Variants in AUTS2 observed in about 807,000 individuals in gnomAD.
The protein encoded by AUTS2 is autism susceptibility gene 2 protein.
Under a neutral mutation model 112.4 loss-of-function variants are expected in AUTS2, and 17 were observed. The observed-to-expected ratio is 0.15, with a 90% confidence interval of 0.10 to 0.23. AUTS2 has a LOEUF of 0.23. Among genes scored for constraint, AUTS2 ranks in the 10% least tolerant of loss-of-function variants. The pLI is 1.00. For missense variants in AUTS2, 1,510 were observed against 1,701.6 expected (o/e 0.89, Z 1.98); for synonymous variants, 751 against 702.7 (o/e 1.07, Z -1.09).
At chr7:69,954,984 A>G (rs915519779) in intron 2 of AUTS2, among the ~76,000 whole-genome samples, 1 of 152,192 alleles carries the variant, frequency 6.6e-6, no homozygotes, top group Non-Finnish European at 1.5e-5. Context: ...TTCTACATAA[A>G]TCAACTTGCA....
At chr7:69,807,367 A>G (rs751316956) in intron 1 of AUTS2, among the ~76,000 whole-genome samples, 6 of 152,332 alleles carry the variant, frequency 3.9e-5, no homozygotes, top group South Asian at 2.1e-4. Context: ...AAAACTTACC[A>G]TCTTAAAACA....
intron 2 of AUTS2, among the ~76,000 whole-genome samples, chr7:69,931,847 A>C (rs901295643): frequency 1.3e-5 from 2 of 152,240 alleles, no homozygotes; most frequent in Non-Finnish European, 2.9e-5. Flanking sequence ...CTTGTCAGGC[A>C]GCCTGCTAAT....
intron 1 of AUTS2, among the ~76,000 whole-genome samples, chr7:69,814,749 A>G (rs977402252): frequency 1.3e-5 from 2 of 152,242 alleles, no homozygotes; most frequent in South Asian, 4.1e-4. Flanking sequence ...GCCCAGCGGT[A>G]TGGGCGAATG....
intron 1 of AUTS2, among the ~76,000 whole-genome samples, chr7:69,773,857 C>T (rs1270382065): frequency 6.6e-6 from 1 of 152,254 alleles, no homozygotes; most frequent in Non-Finnish European, 1.5e-5. Flanking sequence ...GCTCTCCTCC[C>T]TGGTGGCAGT....
chr7:70,081,280 G>A (rs185199347), intron 2 of AUTS2, among the ~76,000 whole-genome samples: 2 of 151,864 alleles, frequency 1.3e-5, no homozygotes, highest in East Asian at 1.9e-4. Context: ...AGCTGGACGC[G>A]CTGGTCATGC....
intron 6 of AUTS2, 44 bp from the exon 7 acceptor site, chr7:70,762,826 G>A (rs569435066): frequency 3.0e-5 from 42 of 1,383,062 alleles, no homozygotes; most frequent in East Asian, 1.6e-4. Context: ...TGCCACACTC[G>A]CATGTCATTG....
At chr7:70,483,649 C>G (rs879711352) in intron 5 of AUTS2, among the ~76,000 whole-genome samples, 5 of 152,146 alleles carry the variant, frequency 3.3e-5, no homozygotes, top group Non-Finnish European at 7.3e-5. Context: ...TTTAAAGTCC[C>G]TTTCAGCTCT....
At chr7:69,902,758 G>T (rs200244191) in intron 2 of AUTS2, among the ~76,000 whole-genome samples, 1 of 152,056 alleles carries the variant, frequency 6.6e-6, no homozygotes, top group Non-Finnish European at 1.5e-5. Context: ...TCTTTCACTT[G>T]CCTGGTTGTA....
chr7:69,694,099 T>C (rs1184900528), intron 1 of AUTS2, among the ~76,000 whole-genome samples: 1 of 152,206 alleles, frequency 6.6e-6, no homozygotes, highest in East Asian at 1.9e-4. Context: ...TTACTTGCAG[T>C]GATGGCTTCC....
At chr7:70,185,284 T>TA (rs1554334461) in intron 4 of AUTS2, among the ~76,000 whole-genome samples, 2 of 139,854 alleles carry the variant, frequency 1.4e-5, no homozygotes, top group African/African-American at 5.2e-5. Context: ...TTTTTTTTTT[T>TA]AAGAAACGAG....
intron 2 of AUTS2, among the ~76,000 whole-genome samples, chr7:69,909,429 A>G (rs1056168473): frequency 6.6e-5 from 10 of 152,028 alleles, no homozygotes; most frequent in Non-Finnish European, 1.0e-4. Flanking sequence ...TTAAAGTTCT[A>G]ATTTCTTGTT....
intron 4 of AUTS2, among the ~76,000 whole-genome samples, chr7:70,320,285 G>A (rs1790192797): frequency 6.6e-6 from 1 of 152,142 alleles, no homozygotes; most frequent in South Asian, 2.1e-4. Flanking sequence ...TATCATCTTT[G>A]TACTCTTACC....
At chr7:70,084,658 A>G (rs1159524534) in intron 2 of AUTS2, among the ~76,000 whole-genome samples, 1 of 151,768 alleles carries the variant, frequency 6.6e-6, no homozygotes. Flanking sequence ...TTCATGTGTG[A>G]TTTTTCATCT....
At chr7:69,863,228 T>C (rs1793071778) in intron 1 of AUTS2, among the ~76,000 whole-genome samples, 1 of 152,242 alleles carries the variant, frequency 6.6e-6, no homozygotes, top group Non-Finnish European at 1.5e-5. Flanking sequence ...GTACTGAACA[T>C]GTACAGACTT....
intron 1 of AUTS2, among the ~76,000 whole-genome samples, chr7:69,602,559 G>C (rs746431782): frequency 6.6e-6 from 1 of 151,966 alleles, no homozygotes; most frequent in Non-Finnish European, 1.5e-5. Context: ...TCCCACATAT[G>C]ATCTCATCCA....
intron 1 of AUTS2, among the ~76,000 whole-genome samples, chr7:69,746,128 G>C (rs1787488522): frequency 6.6e-6 from 1 of 152,014 alleles, no homozygotes; most frequent in South Asian, 2.1e-4. Context: ...TCCTGCCCTA[G>C]CCTCCCAAAG....
intron 4 of AUTS2, among the ~76,000 whole-genome samples, chr7:70,263,615 A>G (rs1787271972): frequency 1.3e-5 from 2 of 152,160 alleles, no homozygotes; most frequent in African/African-American, 2.4e-5. Flanking sequence ...TGTGCTTCAC[A>G]TTTTTCAAGT....
At chr7:70,729,187 G>T (rs1270970985) in intron 6 of AUTS2, 1 of 456,536 alleles carries the variant, frequency 2.2e-6, no homozygotes, top group East Asian at 7.0e-5. Context: ...CTGTGCCGGG[G>T]GTGGGGCTTG....
chr7:70,716,333 A>T (rs536740308), intron 6 of AUTS2, among the ~76,000 whole-genome samples: 106 of 152,282 alleles, frequency 7.0e-4, no homozygotes, highest in African/African-American at 2.5e-3. Flanking sequence ...TGGTGAATTT[A>T]AAAATGTCTC....
Sources: allele counts gnomAD v4.1 joint callset (sites outside exome capture counted in the v4.1 genomes callset), GRCh38; gene constraint gnomAD v4.1.1; transcripts MANE v1.5; gene names NCBI Gene and HGNC (gene_info 2026-07-23, HGNC 2026-07-21).